Variants in FPGS observed in about 807,000 individuals in gnomAD.
FPGS encodes the protein folylpolyglutamate synthase, mitochondrial.
Under a neutral mutation model 66.5 loss-of-function variants are expected in FPGS, and 53 were observed. The ratio of observed to expected loss-of-function variants is 0.80; its 90% CI spans 0.64 to 1.00. FPGS has a LOEUF of 1.00. FPGS is among the 50% of genes least tolerant of loss of function. FPGS has a pLI of 0.00. For missense variants in FPGS, 702 were observed against 807.7 expected (o/e 0.87, Z 1.59); for synonymous variants, 348 against 350.9 (o/e 0.99, Z 0.09).
In FPGS at chr9:127,809,748, C is replaced by T; in HGVS notation, c.1125C>T (p.Tyr375=). ...TGCGGCGCGGGCCCCTCACCTGGTA[C>T]CTGGACGGTGCGCACACCGCCAGCA... ...QVLRRGPLTW[Y]LDGAHTASSA... The change falls in exon 12 of 15, where the codon TAC becomes TAT. Residue 375 remains tyrosine (Y), a synonymous_variant. Transcript: ENST00000373247. The T allele has an allele frequency of 1.3e-6, 2 of 1,585,242 alleles. No individual in the cohort carries two copies. The highest frequency in any genetic ancestry group is 8.5e-7 in the Non-Finnish European group (1 of 1,174,872).
Position 127,809,694 on chromosome 9 carries a change from C to T in FPGS, c.1071C>T (p.Asn357=), listed in dbSNP as rs370938975. The T allele has an allele frequency of 2.8e-5, 45 of 1,588,220 alleles. No homozygotes were observed. Among genetic ancestry groups the T allele is most frequent in the Non-Finnish European group, 3.7e-5 (43 of 1,174,786 alleles). The change falls in exon 12 of 15, where the codon AAC becomes AAT. Residue 357 remains asparagine, a synonymous_variant. Coordinates refer to ENST00000373247, the MANE Select transcript of FPGS (RefSeq NM_004957.6). ...GCTGCCCTCCCCCAGGGCTTCGGAA[C>T]ACGGAGTGGCCGGGCCGGACGCAGG... The part of the protein sequence containing the change: ...PTSHMRLGLR[N]TEWPGRTQVL...
chr9:127,810,381 C>T (rs1343133621), intron 13 of FPGS, among the ~76,000 whole-genome samples: 2 of 151,714 alleles, frequency 1.3e-5, no homozygotes, highest in East Asian at 1.9e-4. Context: ...TTGTCATGCC[C>T]CTTTAGGCAC....
intron 3 of FPGS, 40 bp from the exon 4 acceptor site, chr9:127,804,596 G>T (rs372786333): frequency 6.2e-7 from 1 of 1,614,098 alleles, no homozygotes; most frequent in African/African-American, 1.3e-5. Context: ...TAAGTGGCTG[G>T]TGGAGTAGAG....
chr9:127,813,525 C>G lies in FPGS; in HGVS notation c.1685C>G (p.Ala562Gly). The G allele has an allele frequency of 6.2e-7, 1 of 1,609,612 alleles. No homozygotes were observed. The highest frequency in any genetic ancestry group is 8.5e-7 in the Non-Finnish European group (1 of 1,177,482). ...SGASILREAA[A>G]IHVLVTGSLH... is the part of the protein sequence containing the mutation. ...GCCAGCATACTCCGTGAGGCTGCTG[C>G]CATCCATGTGCTAGTCACTGGCAGC... The change falls in exon 15 of 15, where the codon GCC (alanine) becomes GGC (glycine). Residue 562 changes from alanine (A) to glycine (G), a missense_variant. Physicochemically the swap from Ala to Gly is moderately conservative, Grantham distance 60. Transcript: ENST00000373247.
chr9:127,810,692 TC>T (rs1239977365), intron 13 of FPGS, among the ~76,000 whole-genome samples: 3 of 152,140 alleles, frequency 2.0e-5, no homozygotes, highest in Non-Finnish European at 4.4e-5. Flanking sequence ...CTTCAGCAAG[TC>T]CCCTTGCCCT....
chr9:127,809,879 A>C (rs1430602952), intron 12 of FPGS, 45 bp downstream of exon 12: 5 of 549,926 alleles, frequency 9.1e-6, no homozygotes, highest in East Asian at 6.1e-5. Flanking sequence ...GCCCACGAGG[A>C]GGGGCGGGAT....
In FPGS at chr9:127,809,810, T is replaced by G. The variant is rs1484182938; in HGVS notation, c.1187T>G (p.Leu396Arg). Residue 396 changes from leucine (L) to arginine (R), a missense_variant, in exon 12 of 15, where the codon CTG becomes CGG. Leu to Arg is a moderately radical substitution (Grantham distance 102). Coordinates refer to ENST00000373247, the MANE Select transcript of FPGS (RefSeq NM_004957.6). Reference sequence around the variant, plus strand: ...TGCGTGCGCTGGTTCCGCCAGGCGCTGCAGGGCCGCGAGAGGCCGAGCGGG... The same window carrying G: ...TGCGTGCGCTGGTTCCGCCAGGCGCGGCAGGGCCGCGAGAGGCCGAGCGGG... Reference protein sequence around the residue: ...QACVRWFRQALQGRERPSGGP... With the variant: ...QACVRWFRQARQGRERPSGGP... 6.9e-7 allele frequency: 1 copy of G among 1,444,920 alleles called. No homozygotes were observed. Among genetic ancestry groups the G allele is most frequent in the African/African-American group, 1.5e-5 (1 of 66,584 alleles). 89.5% of individuals were successfully genotyped at this position (1,444,920 alleles called of 1,614,324 possible).
At chr9:127,812,309 T>G (rs930218040) in intron 14 of FPGS, among the ~76,000 whole-genome samples, 9 of 148,530 alleles carry the variant, frequency 6.1e-5, no homozygotes, top group Non-Finnish European at 1.2e-4. Context: ...TTGGGGAGAG[T>G]TCTGGAATCT....
At position 127,813,298 on chromosome 9, in the gene FPGS, C is replaced by T. The variant is rs1402022520; in HGVS notation, c.1458C>T (p.Leu486=). The T allele has an allele frequency of 4.3e-6, 7 of 1,613,220 alleles. No individual in the cohort carries two copies. The highest frequency in any genetic ancestry group is 4.5e-5 in the East Asian group (2 of 44,886). Residue 486 remains leucine, a synonymous_variant, in exon 15 of 15, where the codon CTC becomes CTT. Coordinates refer to ENST00000373247, the MANE Select transcript of FPGS (RefSeq NM_004957.6). The part of the protein sequence containing the change: ...HLDEEQASPD[L]WSAPSPEPGG... ...ACGAAGAGCAGGCCAGCCCGGACCTCTGGAGTGCCCCCAGCCCAGAGCCCG... is the reference window on the plus strand; with the variant it reads ...ACGAAGAGCAGGCCAGCCCGGACCTTTGGAGTGCCCCCAGCCCAGAGCCCG...
At chr9:127,812,689 T>G (rs570364951) in intron 14 of FPGS, among the ~76,000 whole-genome samples, 8 of 139,110 alleles carry the variant, frequency 5.8e-5, no homozygotes, top group South Asian at 4.6e-4. Flanking sequence ...CAGCTAATTT[T>G]TGTGTGTGTG....
intron 8 of FPGS, 23 bp from the exon 9 acceptor site, chr9:127,808,211 C>G: frequency 1.3e-6 from 2 of 1,599,682 alleles, no homozygotes; most frequent in Non-Finnish European, 1.7e-6. Flanking sequence ...GTAGCCCTTT[C>G]TCTCTCCTTC....
Position 127,807,587 on chromosome 9 carries a change from A to G in FPGS, c.643A>G (p.Lys215Glu). The G allele has an allele frequency of 6.2e-7, 1 of 1,613,454 alleles. No individual in the cohort carries two copies. Among genetic ancestry groups the G allele is most frequent in the Non-Finnish European group, 8.5e-7 (1 of 1,179,708 alleles). ...TCATGGCCTTTTCCTCCCCTGCAGG[A>G]AGCCTGTGGTGTGCGGAGTCTCCTC... Reference protein sequence around the residue: ...GAYDCTNIIRKPVVCGVSSLG... With the variant: ...GAYDCTNIIREPVVCGVSSLG... The change falls in exon 8 of 15, where the codon AAG becomes GAG. Residue 215 changes from lysine (K) to glutamate (E), a missense_variant and splice_region_variant. This residue lies in a region of FPGS where 240 missense variants were observed against 348.6 expected (regional missense o/e 0.69). Coordinates refer to ENST00000373247, the MANE Select transcript of FPGS (RefSeq NM_004957.6). The surrounding 1 kb of genome is among the most constrained non-coding windows in gnomAD (Gnocchi z 5.8).
chr9:127,804,858 AC>A, intron 4 of FPGS, 158 bp downstream of exon 4: 1 of 692,868 alleles, frequency 1.4e-6, no homozygotes, highest in Non-Finnish European at 2.5e-6. Context: ...GTTAGCACTT[AC>A]CATATTGGCC....
At position 127,805,053 on chromosome 9, in the gene FPGS, T is replaced by G. The variant is rs2131844683; in HGVS notation, c.386+353T>G. The stretch of plus-strand genomic sequence containing the variant: ...ACAGGCACCTGCCACCACACCAGGC[T>G]AATTTTTATATTTTTAGTAGAGATG... On this transcript the variant is annotated intron_variant, in intron 4 of 14. Transcript: ENST00000373247. Among the ~76,000 whole-genome samples, 2 of 152,168 alleles carry G rather than the reference T, an allele frequency of 1.3e-5. 1 individual carries two copies. The highest frequency in any genetic ancestry group is 4.1e-4 in the South Asian group (2 of 4,824).
In FPGS at chr9:127,807,200, G is replaced by A; in HGVS notation, c.502-9G>A. On this transcript the variant is annotated splice_polypyrimidine_tract_variant and intron_variant, in intron 5 of 14. Transcript: ENST00000373247. The surrounding 1 kb of genome is among the most constrained non-coding windows in gnomAD (Gnocchi z 5.8). ...GGGCTCTGGGCCCTGACATGTCCCT[G>A]TGCCACAGGATGGCAGCTGTGTCTC... 1 of 1,613,986 alleles carries A rather than the reference G, an allele frequency of 6.2e-7. No homozygotes were observed.
Position 127,814,008 on chromosome 9 carries a change from C to T in FPGS, c.*404C>T, listed in dbSNP as rs1830208002. On this transcript the variant is annotated 3_prime_UTR_variant, in exon 15 of 15. Coordinates refer to ENST00000373247, the MANE Select transcript of FPGS (RefSeq NM_004957.6). ...GAAGGGAGAGGGCCTCTGCCTGGGA[C>T]ACTGCGGGACAGAGGGTGGCTGGAG... 2 of 1,033,338 alleles carry T rather than the reference C, an allele frequency of 1.9e-6. No homozygotes were observed. Among genetic ancestry groups the T allele is most frequent in the Non-Finnish European group, 2.3e-6 (2 of 862,014 alleles). 64.0% of individuals were successfully genotyped at this position (1,033,338 alleles called of 1,614,324 possible).
intron 9 of FPGS, 28 bp from the exon 10 acceptor site, chr9:127,808,530 C>T: frequency 1.2e-6 from 2 of 1,610,908 alleles, no homozygotes; most frequent in Non-Finnish European, 8.5e-7. Flanking sequence ...AGGGCCTCTG[C>T]TGACCCGCTC....
intron 4 of FPGS, chr9:127,806,696 G>C (rs1452859960): frequency 6.3e-6 from 3 of 478,244 alleles, no homozygotes; most frequent in African/African-American, 2.0e-5. Flanking sequence ...GTATGGGACT[G>C]TTGGAGCCCA....
intron 1 of FPGS, among the ~76,000 whole-genome samples, chr9:127,803,692 C>T (rs1045844866): frequency 2.0e-5 from 3 of 152,158 alleles, no homozygotes; most frequent in East Asian, 1.9e-4. Context: ...GTGGGAGGCA[C>T]GGAATATGAG....
Sources: allele counts gnomAD v4.1 joint callset (sites outside exome capture counted in the v4.1 genomes callset), GRCh38; gene constraint gnomAD v4.1.1; regional missense constraint gnomAD v4.1.1; non-coding constraint Gnocchi (gnomAD v3.1); transcripts MANE v1.5; gene names NCBI Gene and HGNC (gene_info 2026-07-23, HGNC 2026-07-21).